Variants in RHOQ observed in about 807,000 individuals in gnomAD.
RHOQ encodes ras homolog family member Q, also known as rho-related GTP-binding protein RhoQ.
RHOQ carries 7 observed loss-of-function variants against 25.8 expected under a neutral mutation model. That is an observed-to-expected ratio of 0.27 (90% confidence interval 0.15 to 0.51). The LOEUF (loss-of-function observed/expected upper bound fraction) is 0.51. RHOQ is among the 20% of genes least tolerant of loss of function. The pLI is 0.97. For synonymous variants in RHOQ, 97 were observed against 98.6 expected (o/e 0.98, Z 0.10); for missense variants, 165 against 260.6 (o/e 0.63, Z 2.53).
At chr2:46,570,446 A>G (rs1668875951) in intron 2 of RHOQ, among the ~76,000 whole-genome samples, 1 of 151,752 alleles carries the variant, frequency 6.6e-6, no homozygotes, top group Admixed American at 6.6e-5. Context: ...ATCTCAAAAA[A>G]TAAAAAAAAA....
chr2:46,542,852 CGCGGCGGCGGCA>C lies in RHOQ; in HGVS notation c.-191_-180del, dbSNP rs1474776853. On this transcript the variant is annotated 5_prime_UTR_variant, in exon 1 of 5. Coordinates refer to ENST00000238738, the MANE Select transcript of RHOQ (RefSeq NM_012249.4). ...CCGGGGCGGGGATCCGGGCGGCGAC[CGCGGCGGCGGCA>C]GCGCCCCGGGCCCGCCGCCCCCTCC... 41 of 154,776 alleles carry C rather than the reference CGCGGCGGCGGCA, an allele frequency of 2.6e-4. No individual in the cohort carries two copies. Among genetic ancestry groups the C allele is most frequent in the Non-Finnish European group, 4.0e-4 (29 of 73,364 alleles). The allele number at this position is 154,776 out of a possible 1,614,324, so 9.6% of individuals were successfully genotyped here.
At chr2:46,578,564 T>A (rs1669219662) in intron 4 of RHOQ, among the ~76,000 whole-genome samples, 1 of 53,550 alleles carries the variant, frequency 1.9e-5, no homozygotes, top group Non-Finnish European at 3.6e-5. Context: ...AAACCCCATC[T>A]CTACCAAAAA....
Position 46,543,738 on chromosome 2 carries a change from A to G in RHOQ, c.143-16A>G, listed in dbSNP as rs1414670424. 2 of 1,611,712 alleles carry G rather than the reference A, an allele frequency of 1.2e-6. No individual in the cohort carries two copies. Among genetic ancestry groups the G allele is most frequent in the African/African-American group, 2.7e-5 (2 of 74,862 alleles). On this transcript the variant is annotated splice_polypyrimidine_tract_variant and intron_variant, in intron 1 of 4. Coordinates refer to ENST00000238738, the MANE Select transcript of RHOQ (RefSeq NM_012249.4). ...ACTGTGAGCTTCTCTCCCCGCCCCCACTTCTGTCCTTGCAGTCAGCGTCAC... is the reference window on the plus strand; with the variant it reads ...ACTGTGAGCTTCTCTCCCCGCCCCCGCTTCTGTCCTTGCAGTCAGCGTCAC...
At chr2:46,543,362 C>A in intron 1 of RHOQ, 174 bp downstream of exon 1, 1 of 662,308 alleles carries the variant, frequency 1.5e-6, no homozygotes, top group Non-Finnish European at 2.6e-6. Flanking sequence ...CAACCCCTCG[C>A]CCGCTGATCC....
intron 2 of RHOQ, among the ~76,000 whole-genome samples, chr2:46,551,370 A>T (rs913064486): frequency 1.3e-5 from 2 of 152,134 alleles, no homozygotes; most frequent in African/African-American, 2.4e-5. Flanking sequence ...GTGTGCCATG[A>T]GGTGAAGATT....
chr2:46,551,168 T>A (rs766224590), intron 2 of RHOQ, among the ~76,000 whole-genome samples: 5 of 152,102 alleles, frequency 3.3e-5, no homozygotes, highest in Non-Finnish European at 5.9e-5. Context: ...TACCTCCTTG[T>A]GGGGTTGTTA....
intron 2 of RHOQ, among the ~76,000 whole-genome samples, chr2:46,573,103 G>A (rs560972154): frequency 1.4e-5 from 2 of 147,356 alleles, no homozygotes; most frequent in African/African-American, 5.0e-5. Flanking sequence ...TAGCTCTGTT[G>A]CCCAGGCTGT....
chr2:46,567,207 A>G (rs531583134), intron 2 of RHOQ, among the ~76,000 whole-genome samples: 2 of 152,332 alleles, frequency 1.3e-5, no homozygotes, highest in African/African-American at 4.8e-5. Flanking sequence ...TGACTACTCC[A>G]GAAATCATAA....
At chr2:46,547,869 G>A in intron 2 of RHOQ, among the ~76,000 whole-genome samples, 1 of 152,238 alleles carries the variant, frequency 6.6e-6, no homozygotes, top group Non-Finnish European at 1.5e-5. Flanking sequence ...TGTCCAGACA[G>A]GCCAGTGGGG....
intron 2 of RHOQ, among the ~76,000 whole-genome samples, chr2:46,544,319 A>G (rs925511235): frequency 1.3e-5 from 2 of 152,256 alleles, no homozygotes; most frequent in East Asian, 3.9e-4. Flanking sequence ...CTGAAAACGT[A>G]ATTTGTGGTG....
chr2:46,579,760 G>T (rs189202202), intron 4 of RHOQ, among the ~76,000 whole-genome samples: 1 of 151,506 alleles, frequency 6.6e-6, no homozygotes, highest in Admixed American at 6.6e-5. Flanking sequence ...AGGCAGAACC[G>T]CTTGAACCCA....
intron 2 of RHOQ, chr2:46,572,608 T>G (rs1041926878): frequency 9.7e-6 from 3 of 309,350 alleles, no homozygotes; most frequent in Non-Finnish European, 1.9e-5. Context: ...GTTTTGATGT[T>G]GAACAGCTGT....
chr2:46,559,139 C>G lies in RHOQ; in HGVS notation c.201+15327C>G, dbSNP rs1039303011. Among the ~76,000 whole-genome samples the G allele has an allele frequency of 3.3e-5, 5 of 151,808 alleles. No homozygotes were observed. The South Asian group carries it at 6.2e-4, about 19-fold the overall frequency. On this transcript the variant is annotated intron_variant, in intron 2 of 4. Transcript: ENST00000238738. ...TGGCTAGTTTTTTGTTTGTTTGTTT[C>G]TTTGGTTTCTTTTTGTTGTTGTTGT...
At chr2:46,577,396 CTT>C (rs745605616) in intron 4 of RHOQ, among the ~76,000 whole-genome samples, 1 of 110,154 alleles carries the variant, frequency 9.1e-6, no homozygotes, top group African/African-American at 3.8e-5. Context: ...CATATATGGT[CTT>C]TTTTTTTTTT....
At chr2:46,570,171 T>G (rs11883659) in intron 2 of RHOQ, among the ~76,000 whole-genome samples, 2,526 of 152,266 alleles carry the variant, frequency 0.017, 69 homozygotes, top group African/African-American at 0.058. Flanking sequence ...CCAGGCGTGG[T>G]GGCTCATGCC....
rs375781466 is a variant in RHOQ, at chr2:46,584,129, A to G, written c.*3046A>G. On this transcript the variant is annotated 3_prime_UTR_variant, in exon 5 of 5. Coordinates refer to ENST00000238738, the MANE Select transcript of RHOQ (RefSeq NM_012249.4). Reference sequence around the variant, plus strand: ...AACTATTTAAAATACCAAATTAAATACCAGTTTGTTGGTTGTTACTTTTAA... The same window carrying G: ...AACTATTTAAAATACCAAATTAAATGCCAGTTTGTTGGTTGTTACTTTTAA... Among the ~76,000 whole-genome samples the G allele has an allele frequency of 6.6e-6, 1 of 152,176 alleles. No individual in the cohort carries two copies. The highest frequency in any genetic ancestry group is 1.5e-5 in the Non-Finnish European group (1 of 68,010).
At chr2:46,572,250 G>A (rs1052016350) in intron 2 of RHOQ, among the ~76,000 whole-genome samples, 1 of 151,348 alleles carries the variant, frequency 6.6e-6, no homozygotes, top group Admixed American at 6.6e-5. Flanking sequence ...CTGCAGGCAT[G>A]TGCCACCATG....
chr2:46,543,740 T>C lies in RHOQ; in HGVS notation c.143-14T>C. On this transcript the variant is annotated splice_polypyrimidine_tract_variant and intron_variant, in intron 1 of 4. Transcript: ENST00000238738. ...TGTGAGCTTCTCTCCCCGCCCCCAC[T>C]TCTGTCCTTGCAGTCAGCGTCACCG... 6.2e-7 allele frequency: 1 copy of C among 1,612,640 alleles called. No individual in the cohort carries two copies.
In RHOQ at chr2:46,546,470, A is replaced by G. The variant is rs866083155; in HGVS notation, c.201+2658A>G. Among the ~76,000 whole-genome samples the G allele has an allele frequency of 8.3e-4, 13 of 15,708 alleles. No homozygotes were observed. In the East Asian group the frequency reaches 0.02, roughly 24 times the overall value. The allele number at this position is 15,708 out of a possible 152,430, so 10.3% of individuals were successfully genotyped here. ...CATATACATATATATATATATATAT[A>G]TATGTGTATATATATATATATATAT... On this transcript the variant is annotated intron_variant, in intron 2 of 4. Coordinates refer to ENST00000238738, the MANE Select transcript of RHOQ (RefSeq NM_012249.4).
Sources: gnomAD v4.1 joint callset for allele counts (sites outside exome capture counted in the v4.1 genomes callset) on GRCh38, gnomAD v4.1.1 for gene constraint, MANE v1.5 for transcripts, NCBI Gene and HGNC (gene_info 2026-07-23, HGNC 2026-07-21) for gene names.